DLGAP2: variants seen among roughly 807,000 people sequenced by gnomAD.
DLGAP2 encodes the protein DLG associated protein 2, also known as disks large-associated protein 2.
In DLGAP2, 26 loss-of-function variants were observed where a neutral mutation model predicts 100.3. The observed-to-expected ratio is 0.26, with a 90% CI of 0.19 to 0.36. The LOEUF is 0.36. DLGAP2 is among the 10% of genes least tolerant of loss of function. The pLI is 1.00. For synonymous variants in DLGAP2, 886 were observed against 630.1 expected, an observed-to-expected ratio of 1.41 and a Z score of -6.08; for missense variants, 1,858 against 1,453.2, an observed-to-expected ratio of 1.28 and a Z score of -4.53.
At chr8:1,386,289 G>A (rs776903861) in intron 3 of DLGAP2, among the ~76,000 whole-genome samples, 34 of 152,112 alleles carry the variant, frequency 2.2e-4, no homozygotes, top group Admixed American at 4.6e-4. Context: ...ACCCAAAGTC[G>A]GTGAGATTAT....
At chr8:1,480,175 C>G (rs564428605) in intron 3 of DLGAP2, among the ~76,000 whole-genome samples, 2 of 152,202 alleles carry the variant, frequency 1.3e-5, no homozygotes, top group Admixed American at 1.3e-4. Flanking sequence ...CGAACATCCC[C>G]CCTCCGCCTG....
intron 1 of DLGAP2, among the ~76,000 whole-genome samples, chr8:810,901 C>T (rs539834024): frequency 6.6e-6 from 1 of 152,126 alleles, no homozygotes; most frequent in African/African-American, 2.4e-5. Context: ...GATCCTTTGT[C>T]AATGTTGACA....
chr8:762,778 C>T (rs1585836482), intron 1 of DLGAP2, among the ~76,000 whole-genome samples: 3 of 152,144 alleles, frequency 2.0e-5, no homozygotes, highest in Admixed American at 6.5e-5. Flanking sequence ...TCCTGGGCTG[C>T]AGTGATCCTC....
Position 1,348,777 on chromosome 8 carries a change from C to G in DLGAP2, c.106+89894C>G, listed in dbSNP as rs1471018794. Reference sequence around the variant, plus strand: ...CATGATGGCTTTGCAAAGGAGCCAACCCATTGTGTATGCGGTGGAGCGTGT... The same window carrying G: ...CATGATGGCTTTGCAAAGGAGCCAAGCCATTGTGTATGCGGTGGAGCGTGT... On this transcript the variant is annotated intron_variant, in intron 3 of 14. Coordinates refer to ENST00000637795, the MANE Select transcript of DLGAP2 (RefSeq NM_001346810.2). 4.6e-5 allele frequency among the ~76,000 whole-genome samples: 7 copies of G among 152,336 alleles called. 1 individual carries two copies. Among genetic ancestry groups the G allele is most frequent in the African/African-American group, 1.7e-4 (7 of 41,570 alleles).
chr8:761,720 C>T (rs1225457998), intron 1 of DLGAP2, among the ~76,000 whole-genome samples: 1 of 152,150 alleles, frequency 6.6e-6, no homozygotes, highest in African/African-American at 2.4e-5. Flanking sequence ...GAAGACGGCC[C>T]GAAACGCGGA....
At chr8:861,857 T>G (rs952782200) in intron 1 of DLGAP2, among the ~76,000 whole-genome samples, 1 of 152,234 alleles carries the variant, frequency 6.6e-6, no homozygotes, top group Non-Finnish European at 1.5e-5. Flanking sequence ...CTTTATTCTT[T>G]GTTGATGATT....
intron 2 of DLGAP2, among the ~76,000 whole-genome samples, chr8:930,032 T>C (rs1798919712): frequency 6.6e-6 from 1 of 152,148 alleles, no homozygotes; most frequent in Admixed American, 6.5e-5. Flanking sequence ...CTGCTCATCC[T>C]GATTCATGAT....
intron 2 of DLGAP2, among the ~76,000 whole-genome samples, chr8:1,191,769 G>C (rs774568140): frequency 6.6e-6 from 1 of 151,988 alleles, no homozygotes; most frequent in Non-Finnish European, 1.5e-5. Context: ...CTTCTTCCAG[G>C]GGTCCTTTAC....
intron 4 of DLGAP2, among the ~76,000 whole-genome samples, chr8:1,539,881 C>G (rs538500860): frequency 1.3e-5 from 1 of 75,918 alleles, no homozygotes. Context: ...CTTCCTGTGC[C>G]CCCCAAGCCC....
chr8:1,042,310 A>G (rs1463688366), intron 2 of DLGAP2, among the ~76,000 whole-genome samples: 1 of 152,212 alleles, frequency 6.6e-6, no homozygotes, highest in Non-Finnish European at 1.5e-5. Flanking sequence ...CATGAGGGAG[A>G]AAATCAACAA....
chr8:1,258,740 C>T, intron 2 of DLGAP2, 111 bp from the exon 3 acceptor site: 1 of 954,992 alleles, frequency 1.0e-6, no homozygotes, highest in Non-Finnish European at 1.4e-6. Flanking sequence ...CTGGTGTGGT[C>T]AAGCGGCGTC....
intron 4 of DLGAP2, among the ~76,000 whole-genome samples, chr8:1,533,849 C>T (rs1185416575): frequency 6.6e-6 from 1 of 152,138 alleles, no homozygotes; most frequent in Non-Finnish European, 1.5e-5. Flanking sequence ...CCCAGCTCCT[C>T]AGGAGGCTGA....
intron 3 of DLGAP2, among the ~76,000 whole-genome samples, chr8:1,260,831 T>C (rs1432448882): frequency 6.6e-6 from 1 of 152,174 alleles, no homozygotes; most frequent in Non-Finnish European, 1.5e-5. Context: ...GTCCAGAGCA[T>C]GGGGAGGTGA....
intron 4 of DLGAP2, among the ~76,000 whole-genome samples, chr8:1,532,040 G>C (rs144442192): frequency 6.6e-6 from 1 of 152,180 alleles, no homozygotes. Flanking sequence ...GTCATAGGAA[G>C]GTGAGAGACA....
intron 3 of DLGAP2, among the ~76,000 whole-genome samples, chr8:1,461,037 G>T (rs529883166): frequency 1.3e-5 from 2 of 152,080 alleles, no homozygotes; most frequent in African/African-American, 4.8e-5. Context: ...GGGCACAGTC[G>T]CTGATTCAGT....
At chr8:1,617,267 G>A (rs1797186274) in intron 6 of DLGAP2, among the ~76,000 whole-genome samples, 1 of 152,176 alleles carries the variant, frequency 6.6e-6, no homozygotes, top group Admixed American at 6.5e-5. Context: ...TGGGTCAGAT[G>A]GTAGTTCTGT....
At chr8:1,654,208 G>A (rs1209484015) in intron 8 of DLGAP2, among the ~76,000 whole-genome samples, 1 of 152,200 alleles carries the variant, frequency 6.6e-6, no homozygotes, top group Admixed American at 6.5e-5. Flanking sequence ...GAGACACACT[G>A]ACTGTGAAGA....
intron 2 of DLGAP2, among the ~76,000 whole-genome samples, chr8:1,170,404 A>T (rs1448718852): frequency 6.6e-6 from 1 of 152,146 alleles, no homozygotes; most frequent in Non-Finnish European, 1.5e-5. Flanking sequence ...TCATAAAATG[A>T]GTTAGGGAGG....
chr8:873,090 A>G (rs1797628812), intron 1 of DLGAP2, among the ~76,000 whole-genome samples: 1 of 152,328 alleles, frequency 6.6e-6, no homozygotes, highest in Admixed American at 6.5e-5. Context: ...ATGCTCCCAC[A>G]TACTTTAAAT....
Sources: allele counts gnomAD v4.1 joint callset (sites outside exome capture counted in the v4.1 genomes callset), GRCh38; gene constraint gnomAD v4.1.1; transcripts MANE v1.5; gene names NCBI Gene and HGNC (gene_info 2026-07-23, HGNC 2026-07-21).